The following FKBP6 variants were observed in gnomAD, a reference collection of about 807,000 sequenced individuals.
FKBP6 encodes inactive peptidyl-prolyl cis-trans isomerase FKBP6.
FKBP6 carries 29 observed loss-of-function variants against 41.7 expected under a neutral mutation model. That is an observed-to-expected ratio of 0.70 (90% CI 0.52 to 0.95). The LOEUF is 0.95. Among genes scored for constraint, FKBP6 ranks in the 40% least tolerant of loss-of-function variants. The probability of loss-of-function intolerance (pLI) is 0.00; values close to 1 mark genes in which losing one functional copy is unlikely to be tolerated. For missense variants in FKBP6, 338 were observed against 408.7 expected (o/e 0.83, Z 1.49); for synonymous variants, 130 against 165.1 (o/e 0.79, Z 1.63).
intron 8 of FKBP6, among the ~76,000 whole-genome samples, chr7:73,346,724 G>C (rs1805343172): frequency 6.6e-6 from 1 of 152,158 alleles, no homozygotes; most frequent in Non-Finnish European, 1.5e-5. Flanking sequence ...GAACCTACTG[G>C]CAAGAGCGGA....
intron 8 of FKBP6, among the ~76,000 whole-genome samples, chr7:73,345,963 G>A (rs1805321902): frequency 6.6e-6 from 1 of 152,172 alleles, no homozygotes; most frequent in Admixed American, 6.5e-5. Flanking sequence ...GTTAAAGGGA[G>A]AAATTAGATC....
At chr7:73,337,106 G>C (rs1220368288) in intron 5 of FKBP6, 2 of 323,664 alleles carry the variant, frequency 6.2e-6, no homozygotes, top group East Asian at 1.6e-4. Flanking sequence ...TTTCATTTGG[G>C]TATGAGAGCA....
chr7:73,353,860 A>C (rs1421979199), intron 8 of FKBP6, among the ~76,000 whole-genome samples: 9 of 151,176 alleles, frequency 6.0e-5, no homozygotes, highest in African/African-American at 2.2e-4. Flanking sequence ...CAGCCTCCCC[A>C]GTAGCTGGGA....
At chr7:73,353,777 AG>A (rs1805555894) in intron 8 of FKBP6, among the ~76,000 whole-genome samples, 1 of 149,504 alleles carries the variant, frequency 6.7e-6, no homozygotes, top group Admixed American at 6.7e-5. Context: ...TCTATTGCCC[AG>A]CCTGGAGCAC....
In FKBP6 at chr7:73,331,644, C is replaced by T. The variant is rs782815239; in HGVS notation, c.469-13C>T. 1.9e-6 allele frequency: 3 copies of T among 1,613,816 alleles called. No homozygotes were observed. In the South Asian group the frequency reaches 3.3e-5, roughly 18 times the overall value. ...TGGTTTCCTTGCTGAATATTCCTGT[C>T]TCTGGTCCTCAGGAGCAGCAAGACC... On this transcript the variant is annotated splice_polypyrimidine_tract_variant and intron_variant, in intron 4 of 8. Coordinates refer to ENST00000252037, the MANE Select transcript of FKBP6 (RefSeq NM_003602.5).
At chr7:73,353,295 T>G (rs1243269757) in intron 8 of FKBP6, among the ~76,000 whole-genome samples, 2 of 152,228 alleles carry the variant, frequency 1.3e-5, no homozygotes, top group Non-Finnish European at 2.9e-5. Flanking sequence ...TGTATGGTAA[T>G]GTATTCGTGG....
intron 6 of FKBP6, among the ~76,000 whole-genome samples, 158 bp from the exon 7 acceptor site, chr7:73,341,115 G>T (rs1324424033): frequency 1.3e-5 from 2 of 151,988 alleles, no homozygotes; most frequent in Non-Finnish European, 2.9e-5. Context: ...GTAGAGATAG[G>T]GTTTTGCCGT....
intron 5 of FKBP6, chr7:73,339,233 G>T (rs1398750164): frequency 6.6e-6 from 1 of 152,156 alleles, no homozygotes; most frequent in Non-Finnish European, 1.5e-5. Flanking sequence ...TACTTTTAGG[G>T]CTATGCTCCA....
At chr7:73,342,697 G>C (rs1805224887) in intron 7 of FKBP6, 110 bp from the exon 8 acceptor site, 1 of 820,070 alleles carries the variant, frequency 1.2e-6, no homozygotes, top group African/African-American at 1.7e-5. Context: ...CTCAGTTTGA[G>C]TCCTGATAAA....
intron 4 of FKBP6, 138 bp downstream of exon 4, chr7:73,330,490 G>A (rs900705871): frequency 9.9e-5 from 70 of 709,320 alleles, no homozygotes; most frequent in African/African-American, 3.3e-4. Context: ...CGGTGGCGGC[G>A]GAGTTCCTCT....
chr7:73,332,145 T>G (rs1804864784), intron 5 of FKBP6, among the ~76,000 whole-genome samples: 1 of 152,068 alleles, frequency 6.6e-6, no homozygotes, highest in South Asian at 2.1e-4. Flanking sequence ...ATTACAGGTG[T>G]GAGCTACCGC....
rs573157294 is a variant in FKBP6 at position 73,341,472 on chromosome 7, G to A, written c.893+90G>A. ...ACCCCCCCCAACAAAGGACAGTCTGGCGGTGTTGCCCAGAGTGTTAGGAGG... is the reference window on the plus strand; with the variant it reads ...ACCCCCCCCAACAAAGGACAGTCTGACGGTGTTGCCCAGAGTGTTAGGAGG... On this transcript the variant is annotated intron_variant, in intron 7 of 8. Transcript: ENST00000252037. 62 of 893,476 alleles carry A rather than the reference G, an allele frequency of 6.9e-5. No homozygotes were observed. The South Asian group carries it at 7.5e-4, about 11-fold the overall frequency. The allele number at this position is 893,476 out of a possible 1,614,324, so 55.3% of individuals were successfully genotyped here. A position where few individuals can be genotyped will look rare whatever the true frequency, so the allele number is the denominator to read the frequency against.
rs3950376 is a variant in FKBP6 at position 73,330,192 on chromosome 7, G to A, written c.308G>A (p.Arg103Gln). Reference sequence around the variant, plus strand: ...ATGGAGCTGGGCCTTCTGAGCATGCGGAGAGGAGAGCTGGCCAGGTTTCTG... The same window carrying A: ...ATGGAGCTGGGCCTTCTGAGCATGCAGAGAGGAGAGCTGGCCAGGTTTCTG... ...WGMELGLLSM[R>Q]RGELARFLFK... Residue 103 changes from arginine (R) to glutamine (Q), a missense_variant, in exon 4 of 9, where the codon CGG (arginine) becomes CAG (glutamine). Physicochemically the swap from Arg to Gln is conservative, Grantham distance 43. Coordinates refer to ENST00000252037, the MANE Select transcript of FKBP6 (RefSeq NM_003602.5). 229 of 1,613,814 alleles carry A rather than the reference G, an allele frequency of 1.4e-4. No homozygotes were observed. The highest frequency in any genetic ancestry group is 1.7e-4 in the Non-Finnish European group (203 of 1,179,860).
Position 73,328,250 on chromosome 7 carries a change from T to G in FKBP6, c.-179T>G, listed in dbSNP as rs1554546631. 1.3e-6 allele frequency: 2 copies of G among 1,548,988 alleles called. No homozygotes were observed. The highest frequency in any genetic ancestry group is 4.9e-5 in the East Asian group (2 of 40,912). Reference sequence around the variant, plus strand: ...CCAGAGCTCGCGAGGGCCAGGGCCGTTGGCGGCGGTTGGAACGAAACGATG... The same window carrying G: ...CCAGAGCTCGCGAGGGCCAGGGCCGGTGGCGGCGGTTGGAACGAAACGATG... On this transcript the variant is annotated 5_prime_UTR_variant, in exon 1 of 9. Coordinates refer to ENST00000252037, the MANE Select transcript of FKBP6 (RefSeq NM_003602.5).
intron 2 of FKBP6, 117 bp from the exon 3 acceptor site, chr7:73,329,243 G>T: frequency 1.3e-6 from 1 of 790,676 alleles, no homozygotes; most frequent in Non-Finnish European, 2.3e-6. Flanking sequence ...ACCTCGGGGT[G>T]TCGGGCAGCT....
At chr7:73,353,077 T>G (rs1805533821) in intron 8 of FKBP6, among the ~76,000 whole-genome samples, 1 of 152,076 alleles carries the variant, frequency 6.6e-6, no homozygotes, top group African/African-American at 2.4e-5. Context: ...CCAATATTTC[T>G]CCCTCTCTCC....
chr7:73,340,325 G>A lies in FKBP6; in HGVS notation c.589-313G>A, dbSNP rs184829125. Reference sequence around the variant, plus strand: ...AGGTGGATCACGAGGTCAGGAGATCGAGACCATCCTGGCCAAAATGGTCAT... The same window carrying A: ...AGGTGGATCACGAGGTCAGGAGATCAAGACCATCCTGGCCAAAATGGTCAT... On this transcript the variant is annotated intron_variant, in intron 5 of 8. Transcript: ENST00000252037. Among the ~76,000 whole-genome samples the A allele has an allele frequency of 3.2e-3, 485 of 151,862 alleles. 3 individuals carry two copies. The highest frequency in any genetic ancestry group is 4.3e-3 in the African/African-American group (177 of 41,442).
At chr7:73,348,596 CTTAG>C (rs1805400783) in intron 8 of FKBP6, among the ~76,000 whole-genome samples, 1 of 152,210 alleles carries the variant, frequency 6.6e-6, no homozygotes, top group East Asian at 1.9e-4. Context: ...TTGACCTGGA[CTTAG>C]TGCATACTCC....
intron 8 of FKBP6, among the ~76,000 whole-genome samples, chr7:73,351,862 T>C (rs2115965289): frequency 6.6e-6 from 1 of 152,262 alleles, no homozygotes; most frequent in Middle Eastern, 3.4e-3. Flanking sequence ...CATGATGGGG[T>C]TGAAAGACAG....
Sources: allele counts gnomAD v4.1 joint callset (sites outside exome capture counted in the v4.1 genomes callset), GRCh38; gene constraint gnomAD v4.1.1; transcripts MANE v1.5; gene names NCBI Gene and HGNC (gene_info 2026-07-23, HGNC 2026-07-21).